NOL9: variants seen among roughly 807,000 people sequenced by gnomAD.
The protein encoded by NOL9 is nucleolar protein 9.
In NOL9, 28 loss-of-function variants were observed where a neutral mutation model predicts 67.9. That is an observed-to-expected ratio of 0.41 (90% CI 0.31 to 0.57). NOL9 has a LOEUF of 0.57. Ranked by LOEUF, NOL9 falls within the 20% of genes least tolerant of loss-of-function variation. The pLI is 0.25. For missense variants in NOL9, 777 were observed against 897.0 expected, an observed-to-expected ratio of 0.87 and a Z score of 1.71; for synonymous variants, 356 against 352.2, an observed-to-expected ratio of 1.01 and a Z score of -0.12.
intron 1 of NOL9, 70 bp downstream of exon 1, chr1:6,554,037 G>A (rs1639608726): frequency 2.3e-6 from 3 of 1,322,212 alleles, no homozygotes; most frequent in African/African-American, 1.5e-5. Flanking sequence ...CTCCTACCCT[G>A]CAGCTCTCCC....
rs767670428 is a variant in NOL9 at position 6,533,304 on chromosome 1, CGAT to C, written c.1210_1212del (p.Ile404del). On this transcript the variant is annotated inframe_deletion, in exon 7 of 12. Transcript: ENST00000377705. ...CCTGAAACCCATCCCATAGTGTTGA[CGAT>C]GAGAGGGGACTCTCTCTTGTAAGCG... The C allele has an allele frequency of 6.2e-7, 1 of 1,605,872 alleles. No individual in the cohort carries two copies.
intron 1 of NOL9, among the ~76,000 whole-genome samples, chr1:6,552,324 C>T (rs968545065): frequency 6.6e-6 from 1 of 150,636 alleles, no homozygotes; most frequent in African/African-American, 2.4e-5. Context: ...CCACACCCGG[C>T]CGATATTTGA....
chr1:6,550,687 T>TG lies in NOL9; in HGVS notation c.397-73_397-72insC, dbSNP rs1323839275. The TG allele has an allele frequency of 4.6e-5, 54 of 1,170,092 alleles. No individual in the cohort carries two copies. In the East Asian group the frequency reaches 4.7e-4, roughly 10 times the overall value. 72.5% of individuals were successfully genotyped at this position (1,170,092 alleles called of 1,614,324 possible). ...ATGACTGAAACATTCTAAAATCTTT[T>TG]TTTTTTTTTTTTTGAGATGGAGTTT... On this transcript the variant is annotated intron_variant, in intron 1 of 11. Transcript: ENST00000377705.
chr1:6,542,600 G>C (rs1400209871), intron 5 of NOL9, among the ~76,000 whole-genome samples: 1 of 151,752 alleles, frequency 6.6e-6, no homozygotes, highest in Non-Finnish European at 1.5e-5. Flanking sequence ...TGGGATTACA[G>C]GCATGTGCCA....
In NOL9 at chr1:6,526,843, G is replaced by A. The variant is rs201601818; in HGVS notation, c.1826-14C>T. 63 of 1,570,848 alleles carry A rather than the reference G, an allele frequency of 4.0e-5. No homozygotes were observed. In the African/African-American group the frequency reaches 5.2e-4, roughly 13 times the overall value. ...CTCTACAGATGCCTTCAAGACACGC[G>A]CACAACACAAAAATCACCCTTTTGG... is the stretch of plus-strand genomic sequence containing the variant. On this transcript the variant is annotated splice_polypyrimidine_tract_variant and intron_variant, in intron 10 of 11. Coordinates refer to ENST00000377705, the MANE Select transcript of NOL9 (RefSeq NM_024654.5).
intron 6 of NOL9, among the ~76,000 whole-genome samples, chr1:6,535,134 T>G (rs1264134221): frequency 1.3e-5 from 2 of 152,154 alleles, no homozygotes; most frequent in African/African-American, 4.8e-5. Context: ...AGAAAAGGTA[T>G]CTACAGAAGT....
At chr1:6,538,142 T>G (rs1639197692) in intron 6 of NOL9, among the ~76,000 whole-genome samples, 1 of 151,930 alleles carries the variant, frequency 6.6e-6, no homozygotes, top group Admixed American at 6.6e-5. Flanking sequence ...GATTTAGTAA[T>G]GATTTCAAGG....
intron 6 of NOL9, among the ~76,000 whole-genome samples, chr1:6,540,051 T>A (rs1639243436): frequency 6.6e-6 from 1 of 150,632 alleles, no homozygotes; most frequent in African/African-American, 2.4e-5. Context: ...AGTGGTGAGA[T>A]CTCGGCTCAC....
rs181519827 is a variant in NOL9 at position 6,527,699 on chromosome 1, C to T, written c.1826-870G>A. Among the ~76,000 whole-genome samples the T allele has an allele frequency of 2.0e-5, 3 of 150,876 alleles. No individual in the cohort carries two copies. The East Asian group carries it at 5.9e-4, about 30-fold the overall frequency. ...CTGTAATCTCAGCACTCTGGGAGGC[C>T]GAGGTGGGCAGATCACGAGGTCAGG... On this transcript the variant is annotated intron_variant, in intron 10 of 11. Coordinates refer to ENST00000377705, the MANE Select transcript of NOL9 (RefSeq NM_024654.5).
chr1:6,531,150 T>C (rs942318327), intron 9 of NOL9, among the ~76,000 whole-genome samples: 2 of 152,226 alleles, frequency 1.3e-5, no homozygotes, highest in African/African-American at 4.8e-5. Context: ...ATTAGCAGCC[T>C]GGATTCCAAG....
At chr1:6,527,028 C>T (rs1638901482) in intron 10 of NOL9, among the ~76,000 whole-genome samples, 199 bp from the exon 11 acceptor site, 1 of 151,604 alleles carries the variant, frequency 6.6e-6, no homozygotes, top group African/African-American at 2.4e-5. Flanking sequence ...GGTGGACTAC[C>T]TGAGATCAGG....
chr1:6,545,365 A>G (rs2148660155), intron 3 of NOL9, among the ~76,000 whole-genome samples, 185 bp from the exon 4 acceptor site: 1 of 152,224 alleles, frequency 6.6e-6, no homozygotes, highest in South Asian at 2.1e-4. Context: ...ATCCACGTCT[A>G]TTTTCAGTTT....
intron 6 of NOL9, among the ~76,000 whole-genome samples, chr1:6,540,612 G>A (rs193247234): frequency 4.6e-5 from 7 of 152,274 alleles, no homozygotes; most frequent in African/African-American, 1.7e-4. Flanking sequence ...GATGACCTGA[G>A]GTCAGGAGTT....
chr1:6,548,651 A>G, intron 3 of NOL9: 1 of 292,940 alleles, frequency 3.4e-6, no homozygotes, highest in Admixed American at 3.8e-5. Context: ...ACTAATAAAA[A>G]TTAAGACTCG....
chr1:6,529,806 G>C (rs944899630), intron 9 of NOL9, among the ~76,000 whole-genome samples: 18 of 150,102 alleles, frequency 1.2e-4, no homozygotes, highest in African/African-American at 4.4e-4. Flanking sequence ...CGTGCCTGTA[G>C]TCCCAGCTAC....
intron 9 of NOL9, 55 bp from the exon 10 acceptor site, chr1:6,529,226 A>C (rs1330549786): frequency 6.8e-7 from 1 of 1,480,028 alleles, no homozygotes; most frequent in East Asian, 2.3e-5. Context: ...AAGACCACTT[A>C]ATTTCTACAA....
At position 6,532,700 on chromosome 1, in the gene NOL9, T is replaced by C. The variant is rs140170030; in HGVS notation, c.1298A>G (p.Gln433Arg). Residue 433 changes from glutamine (Q) to arginine (R), a missense_variant, in exon 8 of 12, where the codon CAG becomes CGG. Physicochemically the swap from Gln to Arg is conservative, Grantham distance 43. Coordinates refer to ENST00000377705, the MANE Select transcript of NOL9 (RefSeq NM_024654.5). ...IRLLSPSHVVQFRSDHSKYMP... is the reference protein window; with the variant it reads ...IRLLSPSHVVRFRSDHSKYMP... The stretch of plus-strand genomic sequence containing the variant: ...ATATTTACTGTGGTCAGAGCGGAAC[T>C]GAACCACGTGGCTGGGAGACAGCAA... The C allele has an allele frequency of 3.1e-6, 5 of 1,614,034 alleles. No homozygotes were observed. The African/African-American group carries it at 6.7e-5, about 22-fold the overall frequency.
Position 6,554,398 on chromosome 1 carries a change from G to A in NOL9, c.105C>T (p.Arg35=). ...CGCACCAGCGCAGGCTCCCGAGCCG[G>A]CGGCGGGGCCGGCGGCTGAGGATGA... ...PQLILSRRPR[R]RLGSLRWCGR... is the part of the protein sequence containing the mutation. The change falls in exon 1 of 12, where the codon CGC becomes CGT. Residue 35 remains arginine, a synonymous_variant. Coordinates refer to ENST00000377705, the MANE Select transcript of NOL9 (RefSeq NM_024654.5). The A allele has an allele frequency of 6.7e-7, 1 of 1,499,138 alleles. No individual in the cohort carries two copies. Among genetic ancestry groups the A allele is most frequent in the South Asian group, 1.3e-5 (1 of 77,588 alleles). The allele number at this position is 1,499,138 out of a possible 1,614,324, so 92.9% of individuals were successfully genotyped here.
At chr1:6,542,126 G>A (rs77522278) in intron 5 of NOL9, among the ~76,000 whole-genome samples, 199 bp from the exon 6 acceptor site, 1,551 of 150,286 alleles carry the variant, frequency 0.01, 19 homozygotes, top group Middle Eastern at 0.065. Context: ...TGGTCACAAT[G>A]TCCATTTGTA....
Sources: allele counts gnomAD v4.1 joint callset (sites outside exome capture counted in the v4.1 genomes callset), GRCh38; gene constraint gnomAD v4.1.1; transcripts MANE v1.5; gene names NCBI Gene and HGNC (gene_info 2026-07-23, HGNC 2026-07-21).